Variants in SFMBT2 observed in about 807,000 individuals in gnomAD.
The protein encoded by SFMBT2 is Scm like with four mbt domains 2.
In SFMBT2, 38 loss-of-function variants were observed where a neutral mutation model predicts 110.1. The observed-to-expected ratio is 0.35, with a 90% CI of 0.27 to 0.45. The LOEUF is 0.45. Among genes scored for constraint, SFMBT2 ranks in the 20% least tolerant of loss-of-function variants. SFMBT2 has a pLI of 1.00. For synonymous variants in SFMBT2, 425 were observed against 425.4 expected, an observed-to-expected ratio of 1.00 and a Z score of 0.01; for missense variants, 1,011 against 1,094.9, an observed-to-expected ratio of 0.92 and a Z score of 1.08.
At chr10:7,333,735 T>C (rs963348182) in intron 4 of SFMBT2, among the ~76,000 whole-genome samples, 2 of 150,072 alleles carry the variant, frequency 1.3e-5, no homozygotes, top group African/African-American at 2.5e-5. Context: ...TCTCTCTCTC[T>C]CCCCAACACC....
At chr10:7,348,816 G>A (rs1319595325) in intron 4 of SFMBT2, among the ~76,000 whole-genome samples, 1 of 152,150 alleles carries the variant, frequency 6.6e-6, no homozygotes, top group Non-Finnish European at 1.5e-5. Context: ...TTGGATATAA[G>A]CTCTTTGGCA....
intron 7 of SFMBT2, among the ~76,000 whole-genome samples, chr10:7,275,159 G>A (rs973495587): frequency 4.6e-5 from 7 of 152,268 alleles, no homozygotes; most frequent in Non-Finnish European, 8.8e-5. Context: ...GCTGCAGCGG[G>A]GGCTTCACTG....
chr10:7,280,639 A>G (rs1381052952), intron 6 of SFMBT2, among the ~76,000 whole-genome samples: 3 of 152,230 alleles, frequency 2.0e-5, no homozygotes, highest in African/African-American at 7.2e-5. Context: ...ATCACAGATT[A>G]AATGTCTAGA....
chr10:7,199,968 A>G (rs1250137452), intron 14 of SFMBT2, among the ~76,000 whole-genome samples: 1 of 152,234 alleles, frequency 6.6e-6, no homozygotes, highest in African/African-American at 2.4e-5. Context: ...ATTATTCACA[A>G]CCAGCTCTTT....
intron 4 of SFMBT2, among the ~76,000 whole-genome samples, chr10:7,359,069 G>A (rs528836933): frequency 7.9e-5 from 12 of 152,226 alleles, no homozygotes; most frequent in Non-Finnish European, 1.6e-4. Flanking sequence ...AGAGTGAACA[G>A]GTGGAGGTGG....
intron 1 of SFMBT2, among the ~76,000 whole-genome samples, chr10:7,400,870 C>T (rs11255113): frequency 0.026 from 3,894 of 152,230 alleles, 89 homozygotes; most frequent in Non-Finnish European, 0.038. Context: ...CGGTGGTTCG[C>T]GCCTGTAATC....
At chr10:7,392,653 A>C (rs1845800492) in intron 1 of SFMBT2, among the ~76,000 whole-genome samples, 1 of 152,120 alleles carries the variant, frequency 6.6e-6, no homozygotes, top group Non-Finnish European at 1.5e-5. Context: ...TATCTCACAA[A>C]ACTATTGCAA....
intron 7 of SFMBT2, chr10:7,249,644 T>C (rs1840736848): frequency 1.4e-6 from 1 of 689,724 alleles, no homozygotes; most frequent in Non-Finnish European, 1.8e-6. Context: ...CGCCACTCTA[T>C]ATCCAACTCT....
At chr10:7,219,108 T>C (rs140443606) in intron 11 of SFMBT2, among the ~76,000 whole-genome samples, 1 of 152,350 alleles carries the variant, frequency 6.6e-6, no homozygotes, top group Non-Finnish European at 1.5e-5. Context: ...AGCATAGTGT[T>C]AGATAGCAAG....
intron 4 of SFMBT2, among the ~76,000 whole-genome samples, chr10:7,300,893 T>A (rs17142628): frequency 1.3e-5 from 2 of 152,370 alleles, no homozygotes; most frequent in Non-Finnish European, 2.9e-5. Flanking sequence ...TTTAGCATTA[T>A]ACAGTTAGAA....
intron 15 of SFMBT2, among the ~76,000 whole-genome samples, chr10:7,189,627 G>A (rs1000088771): frequency 1.3e-5 from 2 of 152,216 alleles, no homozygotes; most frequent in Admixed American, 6.5e-5. Context: ...GAGGCCTATG[G>A]TGTGGAGTTT....
At position 7,211,808 on chromosome 10, in the gene SFMBT2, T is replaced by G. The variant is rs146143473; in HGVS notation, c.1331-5880A>C. Among the ~76,000 whole-genome samples the G allele has an allele frequency of 8.5e-4, 129 of 152,332 alleles. 1 individual carries two copies. Among genetic ancestry groups the G allele is most frequent in the Admixed American group, 8.0e-3 (122 of 15,304 alleles). ...ATTTTGCAAGTATCTCCAAAATGCA[T>G]AGTAACTACCTGACTTTTTTTGCCA... On this transcript the variant is annotated intron_variant, in intron 11 of 20. Coordinates refer to ENST00000397167, the MANE Select transcript of SFMBT2 (RefSeq NM_001387889.1).
intron 4 of SFMBT2, among the ~76,000 whole-genome samples, chr10:7,324,831 C>T (rs1843326365): frequency 6.6e-6 from 1 of 152,104 alleles, no homozygotes. Flanking sequence ...TGTGCTCAGG[C>T]AGAGAAGGGA....
chr10:7,380,996 C>T (rs1204934965), intron 2 of SFMBT2, among the ~76,000 whole-genome samples: 1 of 152,022 alleles, frequency 6.6e-6, no homozygotes, highest in African/African-American at 2.4e-5. Context: ...CTGCAGTGAG[C>T]CATGATTGCA....
intron 6 of SFMBT2, among the ~76,000 whole-genome samples, chr10:7,280,488 A>C (rs2131833753): frequency 6.6e-6 from 1 of 152,354 alleles, no homozygotes; most frequent in South Asian, 2.1e-4. Flanking sequence ...TCATCTCCTT[A>C]GCATCTGCAA....
rs1837902507 is a variant in SFMBT2, at chr10:7,172,230, C to T, written c.2152-72G>A. The T allele has an allele frequency of 6.7e-7, 1 of 1,497,354 alleles. No homozygotes were observed. Among genetic ancestry groups the T allele is most frequent in the South Asian group, 1.4e-5 (1 of 73,476 alleles). The allele number at this position is 1,497,354 out of a possible 1,614,324, so 92.8% of individuals were successfully genotyped here. A position where few individuals can be genotyped will look rare whatever the true frequency, so the allele number is the denominator to read the frequency against. ...TGTAGCGGTGGCCCCGCGGTCAGAC[C>T]CTGGGCCCAGTGCAGACCACCTAGC... is the stretch of plus-strand genomic sequence containing the variant. On this transcript the variant is annotated intron_variant, in intron 18 of 20. Transcript: ENST00000397167. The surrounding 1 kb of genome is among the most constrained non-coding windows in gnomAD (Gnocchi z 4.6).
chr10:7,195,534 C>T (rs751273335), intron 15 of SFMBT2, among the ~76,000 whole-genome samples: 2 of 152,220 alleles, frequency 1.3e-5, no homozygotes, highest in Non-Finnish European at 2.9e-5. Flanking sequence ...TGTATGAAGG[C>T]CCTGGTACAA....
chr10:7,381,687 C>G, intron 2 of SFMBT2, 112 bp downstream of exon 2: 2 of 1,175,312 alleles, frequency 1.7e-6, no homozygotes, highest in Non-Finnish European at 2.4e-6. Context: ...ATCCCAGGAA[C>G]CAGACAGTAT....
intron 4 of SFMBT2, among the ~76,000 whole-genome samples, chr10:7,356,599 G>A (rs1210436590): frequency 6.6e-6 from 1 of 152,084 alleles, no homozygotes; most frequent in African/African-American, 2.4e-5. Context: ...TTTTAATAGA[G>A]ACAGCATTTC....
Sources: allele counts gnomAD v4.1 joint callset (sites outside exome capture counted in the v4.1 genomes callset), GRCh38; gene constraint gnomAD v4.1.1; non-coding constraint Gnocchi (gnomAD v3.1); transcripts MANE v1.5; gene names NCBI Gene and HGNC (gene_info 2026-07-23, HGNC 2026-07-21).